Variants in GABRB1 observed in about 807,000 individuals in gnomAD.
GABRB1 encodes the protein gamma-aminobutyric acid receptor subunit beta-1.
A neutral mutation model predicts 51.6 loss-of-function variants in GABRB1; 17 were observed. The observed-to-expected ratio is 0.33, with a 90% CI of 0.23 to 0.49. The LOEUF (loss-of-function observed/expected upper bound fraction) is 0.49. Among genes scored for constraint, GABRB1 ranks in the 20% least tolerant of loss-of-function variants. GABRB1 has a pLI of 0.99. For synonymous variants in GABRB1, 247 were observed against 218.9 expected (o/e 1.13, Z -1.14); for missense variants, 410 against 600.6 (o/e 0.68, Z 3.32).
In GABRB1 at chr4:47,175,194, CTCTTTCTT is replaced by C. The variant is rs563068063; in HGVS notation, c.461+13737_461+13744del. On this transcript the variant is annotated intron_variant, in intron 4 of 8. Coordinates refer to ENST00000295454, the MANE Select transcript of GABRB1 (RefSeq NM_000812.4). ...CTTTCTTTCTTTTCTTTCTCTCTCT[CTCTTTCTT>C]TCTTTCTTTCTCTCTTTCTTCTCTT... Among the ~76,000 whole-genome samples the C allele has an allele frequency of 3.4e-5, 5 of 146,286 alleles. No homozygotes were observed. In the Admixed American group the frequency reaches 3.5e-4, roughly 10 times the overall value.
chr4:47,246,618 T>A (rs1721771548), intron 4 of GABRB1, among the ~76,000 whole-genome samples: 1 of 151,446 alleles, frequency 6.6e-6, no homozygotes, highest in Admixed American at 6.6e-5. Flanking sequence ...TTTTCCACAG[T>A]GGTTGTACTA....
At position 47,410,977 on chromosome 4, in the gene GABRB1, C is replaced by T. The variant is rs142864018; in HGVS notation, c.1080+4051C>T. Among the ~76,000 whole-genome samples, 434 of 152,238 alleles carry T rather than the reference C, an allele frequency of 2.9e-3. 10 individuals are homozygous for T. The highest frequency in any genetic ancestry group is 0.026 in the Admixed American group (401 of 15,292). ...GGATGATATGTTAGTCATATAACTG[C>T]CTACCAAACCAAACTCAACATTCTT... On this transcript the variant is annotated intron_variant, in intron 8 of 8. Transcript: ENST00000295454.
At chr4:47,185,312 C>A (rs1158669818) in intron 4 of GABRB1, among the ~76,000 whole-genome samples, 2 of 151,820 alleles carry the variant, frequency 1.3e-5, no homozygotes, top group Non-Finnish European at 2.9e-5. Context: ...CTGGCTCTCC[C>A]AGAAAAAGGT....
chr4:47,109,467 C>T (rs1255231142), intron 3 of GABRB1, among the ~76,000 whole-genome samples: 1 of 152,028 alleles, frequency 6.6e-6, no homozygotes, highest in African/African-American at 2.4e-5. Context: ...GCCTAAACTT[C>T]ATGCAGAATG....
chr4:47,207,190 G>A (rs2109805139), intron 4 of GABRB1, among the ~76,000 whole-genome samples: 1 of 151,970 alleles, frequency 6.6e-6, no homozygotes, highest in South Asian at 2.1e-4. Context: ...TCTCATATAA[G>A]GTTAGCTCAT....
At chr4:47,138,487 C>A (rs748584042) in intron 3 of GABRB1, among the ~76,000 whole-genome samples, 19 of 152,006 alleles carry the variant, frequency 1.2e-4, no homozygotes, top group Admixed American at 3.3e-4. Flanking sequence ...CTGAGTCTGA[C>A]CAATCTGAAT....
chr4:47,313,881 C>A (rs547438554), intron 4 of GABRB1, among the ~76,000 whole-genome samples: 1 of 152,124 alleles, frequency 6.6e-6, no homozygotes, highest in East Asian at 1.9e-4. Context: ...GTCCTCCAAC[C>A]CTTACTAAAT....
intron 5 of GABRB1, among the ~76,000 whole-genome samples, chr4:47,321,277 C>T (rs1420862854): frequency 6.6e-6 from 1 of 152,036 alleles, no homozygotes; most frequent in Admixed American, 6.6e-5. Context: ...GGAAAAATTC[C>T]AGGTGATTCT....
chr4:47,126,018 A>G (rs1716123232), intron 3 of GABRB1, among the ~76,000 whole-genome samples: 1 of 151,386 alleles, frequency 6.6e-6, no homozygotes, highest in Non-Finnish European at 1.5e-5. Flanking sequence ...ATATGTATAC[A>G]TACATATATA....
Position 47,228,303 on chromosome 4 carries a change from T to C in GABRB1, c.461+66834T>C, listed in dbSNP as rs567110657. Among the ~76,000 whole-genome samples, 342 of 152,076 alleles carry C rather than the reference T, an allele frequency of 2.2e-3. 3 individuals are homozygous for C. The highest frequency in any genetic ancestry group is 4.1e-3 in the Non-Finnish European group (278 of 68,002). On this transcript the variant is annotated intron_variant, in intron 4 of 8. Coordinates refer to ENST00000295454, the MANE Select transcript of GABRB1 (RefSeq NM_000812.4). ...TGTGAAACCAGATGAATTATGACAT[T>C]CTAAAATAACATCAGGGTGGGTCAG...
chr4:47,057,688 C>T (rs1726674660), intron 3 of GABRB1, among the ~76,000 whole-genome samples: 1 of 152,236 alleles, frequency 6.6e-6, no homozygotes, highest in South Asian at 2.1e-4. Context: ...TTCACATTTT[C>T]TCCTCATCTC....
intron 4 of GABRB1, among the ~76,000 whole-genome samples, chr4:47,242,376 A>T (rs994398046): frequency 6.6e-6 from 1 of 152,208 alleles, no homozygotes; most frequent in African/African-American, 2.4e-5. Flanking sequence ...TAGCAGCATG[A>T]TTTATAATCC....
intron 4 of GABRB1, among the ~76,000 whole-genome samples, chr4:47,211,893 GAA>G (rs999579917): frequency 6.6e-6 from 1 of 152,026 alleles, no homozygotes; most frequent in African/African-American, 2.4e-5. Context: ...CTCCCTCTTA[GAA>G]AGACTCTTGT....
At chr4:47,062,828 A>G (rs1287313932) in intron 3 of GABRB1, among the ~76,000 whole-genome samples, 1 of 152,044 alleles carries the variant, frequency 6.6e-6, no homozygotes. Flanking sequence ...CAATTCATCA[A>G]CAAATTGTGT....
chr4:47,013,750 C>A (rs978198364), intron 1 of GABRB1, among the ~76,000 whole-genome samples: 1 of 152,030 alleles, frequency 6.6e-6, no homozygotes, highest in African/African-American at 2.4e-5. Flanking sequence ...TTGTTATAGG[C>A]TATTATCTTT....
At chr4:47,255,647 C>T (rs1722170086) in intron 4 of GABRB1, among the ~76,000 whole-genome samples, 1 of 152,166 alleles carries the variant, frequency 6.6e-6, no homozygotes, top group Admixed American at 6.6e-5. Flanking sequence ...AGAGGCATGC[C>T]AAGGGCTTCT....
intron 3 of GABRB1, among the ~76,000 whole-genome samples, chr4:47,070,184 C>T (rs550581849): frequency 6.6e-6 from 1 of 150,900 alleles, no homozygotes; most frequent in Non-Finnish European, 1.5e-5. Flanking sequence ...TACAGGCAAG[C>T]ACCACCATGC....
intron 3 of GABRB1, among the ~76,000 whole-genome samples, chr4:47,086,972 T>C (rs1157370291): frequency 6.6e-6 from 1 of 152,244 alleles, no homozygotes; most frequent in African/African-American, 2.4e-5. Context: ...AGAACCATGC[T>C]GTGTTCCATG....
upstream of GABRB1, among the ~76,000 whole-genome samples, chr4:47,029,162 C>T (rs1251589521): frequency 6.6e-6 from 1 of 151,802 alleles, no homozygotes; most frequent in African/African-American, 2.4e-5. Flanking sequence ...TATTCTTAGA[C>T]TGCATGAGTT....
Sources: allele counts gnomAD v4.1 joint callset (sites outside exome capture counted in the v4.1 genomes callset), GRCh38; gene constraint gnomAD v4.1.1; transcripts MANE v1.5; gene names NCBI Gene and HGNC (gene_info 2026-07-23, HGNC 2026-07-21).